The following GPHN variants were observed in gnomAD, a reference collection of about 807,000 sequenced individuals.
GPHN encodes the protein gephyrin.
GPHN carries 17 observed loss-of-function variants against 95.5 expected under a neutral mutation model. The observed-to-expected ratio is 0.18, with a 90% CI of 0.12 to 0.27. GPHN has a LOEUF of 0.27. Among genes scored for constraint, GPHN ranks in the 10% least tolerant of loss-of-function variants. The pLI is 1.00. For missense variants in GPHN, 660 were observed against 978.1 expected, an observed-to-expected ratio of 0.67 and a Z score of 4.34; for synonymous variants, 320 against 322.5, an observed-to-expected ratio of 0.99 and a Z score of 0.08.
chr14:66,917,123 A>G (rs1245714036), intron 6 of GPHN, among the ~76,000 whole-genome samples: 1 of 152,224 alleles, frequency 6.6e-6, no homozygotes, highest in East Asian at 1.9e-4. Flanking sequence ...AAATTAGCTG[A>G]TGGTTACCTA....
chr14:67,146,892 G>A (rs1278709540), intron 18 of GPHN, among the ~76,000 whole-genome samples: 1 of 152,162 alleles, frequency 6.6e-6, no homozygotes, highest in Non-Finnish European at 1.5e-5. Context: ...AATTAGCTGG[G>A]CATAGTGACA....
At chr14:67,048,226 T>C (rs1015822946) in intron 10 of GPHN, among the ~76,000 whole-genome samples, 1 of 152,230 alleles carries the variant, frequency 6.6e-6, no homozygotes, top group Non-Finnish European at 1.5e-5. Context: ...ATGACAATCC[T>C]GAGTGAACCC....
At chr14:67,571,973 A>AGTGCC in the GPHN span, 2 of 1,523,386 alleles carry the variant, frequency 1.3e-6, no homozygotes, top group African/African-American at 1.4e-5. Context: ...GGGCACTTGA[A>AGTGCC]CATGGGCGTC....
chr14:67,357,386 A>G, the GPHN span, among the ~76,000 whole-genome samples: 5 of 152,232 alleles, frequency 3.3e-5, no homozygotes, highest in African/African-American at 9.6e-5. Context: ...ATCTGACTAC[A>G]TGACAAAAAG....
At chr14:67,327,449 G>A in the GPHN span, among the ~76,000 whole-genome samples, 27 of 150,420 alleles carry the variant, frequency 1.8e-4, no homozygotes, top group Admixed American at 1.6e-3. Flanking sequence ...TTTTTTTTCC[G>A]GGGTGTGGGG....
intron 14 of GPHN, among the ~76,000 whole-genome samples, chr14:67,110,786 C>T (rs2153685605): frequency 6.6e-6 from 1 of 152,304 alleles, no homozygotes; most frequent in South Asian, 2.1e-4. Flanking sequence ...CCTTTCACCT[C>T]TGGTTTTCTG....
At position 66,508,191 on chromosome 14, in the gene GPHN, T is replaced by G. The variant is rs538933375; in HGVS notation, c.-337T>G. On this transcript the variant is annotated 5_prime_UTR_variant, in exon 1 of 23. Coordinates refer to ENST00000478722, the MANE Select transcript of GPHN (RefSeq NM_020806.5). The stretch of plus-strand genomic sequence containing the variant: ...CATCTAGCTGCCTTGGGTCTCGCGC[T>G]CCGCAGAGCGTTCCGACACTCTCCG... The G allele has an allele frequency of 1.0e-5, 5 of 494,092 alleles. No individual in the cohort carries two copies. Among genetic ancestry groups the G allele is most frequent in the Admixed American group, 3.3e-5 (1 of 29,936 alleles). The allele number at this position is 494,092 out of a possible 1,614,324, so 30.6% of individuals were successfully genotyped here. A position where few individuals can be genotyped will look rare whatever the true frequency, so the allele number is the denominator to read the frequency against.
At chr14:67,199,352 G>A in the GPHN span, 3 of 1,614,056 alleles carry the variant, frequency 1.9e-6, no homozygotes, top group Non-Finnish European at 2.5e-6. Context: ...AAACCTGGAT[G>A]TAGGGGCCAA....
chr14:67,729,112 T>G, the GPHN span: 10 of 1,407,824 alleles, frequency 7.1e-6, no homozygotes, highest in South Asian at 1.2e-4. Context: ...TTCTCACTTG[T>G]GTATTTTGCT....
chr14:67,319,611 A>T, the GPHN span, among the ~76,000 whole-genome samples: 1 of 65,226 alleles, frequency 1.5e-5, no homozygotes, highest in Non-Finnish European at 2.2e-5. Flanking sequence ...CTGATGAGCT[A>T]AAAAAAAAAA....
chr14:66,922,629 C>G lies in GPHN; in HGVS notation c.457-37C>G, dbSNP rs74936384. The G allele has an allele frequency of 2.6e-3, 4,015 of 1,553,198 alleles. 53 individuals carry two copies. In the African/African-American group the frequency reaches 0.041, roughly 16 times the overall value. On this transcript the variant is annotated intron_variant, in intron 6 of 22. Transcript: ENST00000478722. ...ACCATCTTATATAATTACAAAAGTGCTTCATCTTAATTTTTTTTTCTTTCT... is the reference window on the plus strand; with the variant it reads ...ACCATCTTATATAATTACAAAAGTGGTTCATCTTAATTTTTTTTTCTTTCT...
At chr14:67,504,449 T>A in the GPHN span, among the ~76,000 whole-genome samples, 1 of 152,244 alleles carries the variant, frequency 6.6e-6, no homozygotes, top group Non-Finnish European at 1.5e-5. Context: ...TCACTAACCT[T>A]TTCATTTAAG....
At chr14:66,572,164 TG>T (rs2060720091) in intron 1 of GPHN, among the ~76,000 whole-genome samples, 1 of 152,192 alleles carries the variant, frequency 6.6e-6, no homozygotes, top group Admixed American at 6.5e-5. Context: ...GTAGGCTTGT[TG>T]GAGATTTTCA....
chr14:67,645,674 C>T, the GPHN span: 15 of 1,613,710 alleles, frequency 9.3e-6, no homozygotes, highest in African/African-American at 6.7e-5. Flanking sequence ...TGGCCATGCC[C>T]GACACTGCCC....
intron 12 of GPHN, 117 bp downstream of exon 12, chr14:67,089,192 T>C: frequency 1.7e-6 from 1 of 598,226 alleles, no homozygotes; most frequent in Admixed American, 2.9e-5. Context: ...ACCCAGCAAC[T>C]GTTAGGTTTG....
At chr14:66,619,442 T>C (rs1355884963) in intron 1 of GPHN, among the ~76,000 whole-genome samples, 1 of 151,950 alleles carries the variant, frequency 6.6e-6, no homozygotes, top group African/African-American at 2.4e-5. Context: ...ATTATAATTT[T>C]AATTTGCATT....
chr14:66,701,665 CAGA>C (rs1378909306), intron 2 of GPHN, among the ~76,000 whole-genome samples: 2 of 152,186 alleles, frequency 1.3e-5, no homozygotes, highest in Non-Finnish European at 2.9e-5. Flanking sequence ...ACCCATGGAT[CAGA>C]AGATCACACT....
the GPHN span, among the ~76,000 whole-genome samples, chr14:67,508,753 C>CAAAAAAAAAAA: frequency 2.1e-4 from 10 of 46,714 alleles, 1 homozygote; most frequent in Non-Finnish European, 3.3e-4. Context: ...AACCTTGTCT[C>CAAAAAAAAAAA]AAAAAAAAAA....
chr14:67,010,826 G>A (rs1386259107), intron 9 of GPHN, among the ~76,000 whole-genome samples: 1 of 152,102 alleles, frequency 6.6e-6, no homozygotes, highest in Non-Finnish European at 1.5e-5. Flanking sequence ...GGTCAATGGT[G>A]CAACTGTCTA....
Sources: gnomAD v4.1 joint callset for allele counts (sites outside exome capture counted in the v4.1 genomes callset) on GRCh38, gnomAD v4.1.1 for gene constraint, MANE v1.5 for transcripts, NCBI Gene and HGNC (gene_info 2026-07-23, HGNC 2026-07-21) for gene names.